Variants in FOXN3 observed in about 807,000 individuals in gnomAD.
FOXN3 encodes forkhead box protein N3.
Under a neutral mutation model 38.4 loss-of-function variants are expected in FOXN3, and 7 were observed. The ratio of observed to expected loss-of-function variants is 0.18; its 90% CI spans 0.10 to 0.34. The LOEUF is 0.34. Ranked by LOEUF, FOXN3 falls within the 10% of genes least tolerant of loss-of-function variation. The pLI is 1.00. For synonymous variants in FOXN3, 230 were observed against 242.2 expected (o/e 0.95, Z 0.47); for missense variants, 456 against 613.4 (o/e 0.74, Z 2.71).
intron 1 of FOXN3, among the ~76,000 whole-genome samples, chr14:89,611,433 A>T (rs1896384749): frequency 6.6e-6 from 1 of 152,244 alleles, no homozygotes; most frequent in Non-Finnish European, 1.5e-5. Flanking sequence ...TAATTCTGGA[A>T]TTAGGACTTT....
At chr14:89,422,858 C>T (rs1891943765) in intron 1 of FOXN3, among the ~76,000 whole-genome samples, 1 of 152,208 alleles carries the variant, frequency 6.6e-6, no homozygotes, top group African/African-American at 2.4e-5. Context: ...AGGGAAAGTA[C>T]AGCTGAACTG....
At chr14:89,169,998 C>A (rs1887347199) in intron 5 of FOXN3, among the ~76,000 whole-genome samples, 1 of 152,034 alleles carries the variant, frequency 6.6e-6, no homozygotes, top group Admixed American at 6.6e-5. Flanking sequence ...AAGAGACAAT[C>A]CTAAATAACA....
At chr14:89,616,239 CT>C (rs1896490457) in intron 1 of FOXN3, among the ~76,000 whole-genome samples, 1 of 152,120 alleles carries the variant, frequency 6.6e-6, no homozygotes, top group Non-Finnish European at 1.5e-5. Context: ...GGTCTCCAAA[CT>C]TTTTTCTTTA....
chr14:89,419,574 G>C (rs1047694604), upstream of FOXN3: 1 of 189,134 alleles, frequency 5.3e-6, no homozygotes, highest in African/African-American at 2.4e-5. Context: ...CTTATTTCCT[G>C]ATAGAGGACT....
intron 1 of FOXN3, among the ~76,000 whole-genome samples, chr14:89,489,213 GAA>G (rs1402959318): frequency 6.6e-6 from 1 of 152,012 alleles, no homozygotes; most frequent in Admixed American, 6.6e-5. Flanking sequence ...CATCTATCAA[GAA>G]AAAGAGGCAC....
upstream of FOXN3, chr14:89,417,316 G>A (rs1891772494): frequency 6.8e-6 from 1 of 147,838 alleles, no homozygotes; most frequent in Non-Finnish European, 1.5e-5. Flanking sequence ...GCCGGAGAAA[G>A]GGAAAACGTG....
At chr14:89,397,558 C>T (rs771038064) in intron 2 of FOXN3, among the ~76,000 whole-genome samples, 19 of 151,592 alleles carry the variant, frequency 1.3e-4, no homozygotes, top group Non-Finnish European at 2.4e-4. Flanking sequence ...GGCTCAGAAA[C>T]GTCTGAGGAC....
At chr14:89,227,230 G>C (rs1011861575) in intron 4 of FOXN3, among the ~76,000 whole-genome samples, 12 of 152,120 alleles carry the variant, frequency 7.9e-5, no homozygotes, top group African/African-American at 2.9e-4. Flanking sequence ...ATTTTAAGCT[G>C]TTCTGGGGTC....
At chr14:89,235,821 G>T (rs575905018) in intron 4 of FOXN3, among the ~76,000 whole-genome samples, 1 of 135,348 alleles carries the variant, frequency 7.4e-6, no homozygotes, top group Non-Finnish European at 1.5e-5. Context: ...TCTAGAAGCT[G>T]CAATAGGAAA....
At chr14:89,560,099 AG>A (rs1202715483) in intron 1 of FOXN3, among the ~76,000 whole-genome samples, 2 of 152,190 alleles carry the variant, frequency 1.3e-5, no homozygotes, top group African/African-American at 4.8e-5. Context: ...AGGAAGGTGA[AG>A]GGGAAGCAGG....
Position 89,180,916 on chromosome 14 carries a change from G to GCAGAGAACATGCATGGAA in FOXN3, c.746-111_746-110insTTCCATGCATGTTCTCTG. ...AATAAGAGAGAGAGAGAGACAGAGG[G>GCAGAGAACATGCATGGAA]CAGAGACAGAGAGAAACACACACAC... On this transcript the variant is annotated intron_variant, in intron 4 of 5. Transcript: ENST00000557258. 9.3e-6 allele frequency: 5 copies of GCAGAGAACATGCATGGAA among 535,794 alleles called. No homozygotes were observed. In the South Asian group the frequency reaches 1.1e-4, roughly 12 times the overall value. 33.2% of individuals were successfully genotyped at this position (535,794 alleles called of 1,614,324 possible). A position where few individuals can be genotyped will look rare whatever the true frequency, so the allele number is the denominator to read the frequency against.
At chr14:89,288,680 C>T (rs1208778592) in intron 3 of FOXN3, among the ~76,000 whole-genome samples, 1 of 68,286 alleles carries the variant, frequency 1.5e-5, no homozygotes, top group African/African-American at 6.5e-5. Context: ...TTCTCTCTCT[C>T]TCTCTCTCTC....
At chr14:89,262,990 C>G (rs1885855365) in intron 4 of FOXN3, among the ~76,000 whole-genome samples, 1 of 152,168 alleles carries the variant, frequency 6.6e-6, no homozygotes, top group Non-Finnish European at 1.5e-5. Flanking sequence ...TCTTGGCTAT[C>G]CCATATTCCA....
At chr14:89,276,276 G>A (rs999651099) in intron 4 of FOXN3, among the ~76,000 whole-genome samples, 1 of 152,118 alleles carries the variant, frequency 6.6e-6, no homozygotes, top group African/African-American at 2.4e-5. Context: ...GCAAGACTCC[G>A]TCTCAACAAC....
chr14:89,430,788 A>G (rs1042055045), intron 1 of FOXN3, among the ~76,000 whole-genome samples: 1 of 152,230 alleles, frequency 6.6e-6, no homozygotes, highest in African/African-American at 2.4e-5. Flanking sequence ...AAACACTCAT[A>G]TTCAAATACC....
At position 89,592,570 on chromosome 14, in the gene FOXN3, G is replaced by A. The variant is rs568800949; in HGVS notation, c.-15+26458C>T. Among the ~76,000 whole-genome samples, 7 of 152,270 alleles carry A rather than the reference G, an allele frequency of 4.6e-5. No individual in the cohort carries two copies. In the South Asian group the frequency reaches 1.2e-3, roughly 27 times the overall value. ...TTCTCAACAACAATAGAAACTAGAC[G>A]TTCATTGAGTATTGCCTTTGAAATA... On this transcript the variant is annotated intron_variant, in intron 1 of 6. Transcript: ENST00000345097.
chr14:89,273,234 C>T (rs978984788), intron 4 of FOXN3, among the ~76,000 whole-genome samples: 12 of 152,286 alleles, frequency 7.9e-5, no homozygotes, highest in African/African-American at 2.6e-4. Flanking sequence ...TCCCCTCTTC[C>T]GAAGTCCAGC....
rs1885314033 is a variant in FOXN3 at position 89,246,823 on chromosome 14, G to T, written c.745+34127C>A. On this transcript the variant is annotated intron_variant, in intron 4 of 5. Coordinates refer to ENST00000557258, the MANE Select transcript of FOXN3 (RefSeq NM_005197.4). ...CAAAGTGCTGGGATTACAAGCGTGA[G>T]CCACTGTGCCCAGCCGGATGCGGCT... is the stretch of plus-strand genomic sequence containing the variant. Among the ~76,000 whole-genome samples the T allele has an allele frequency of 3.3e-5, 5 of 152,246 alleles. No individual in the cohort carries two copies. The South Asian group carries it at 1.0e-3, about 32-fold the overall frequency.
At chr14:89,235,679 C>T (rs190071382) in intron 4 of FOXN3, among the ~76,000 whole-genome samples, 34 of 152,022 alleles carry the variant, frequency 2.2e-4, no homozygotes, top group African/African-American at 7.5e-4. Context: ...CCAGGTGGGC[C>T]CAGTGTAATC....
Sources: gnomAD v4.1 joint callset for allele counts (sites outside exome capture counted in the v4.1 genomes callset) on GRCh38, gnomAD v4.1.1 for gene constraint, MANE v1.5 for transcripts, NCBI Gene and HGNC (gene_info 2026-07-23, HGNC 2026-07-21) for gene names.